Variants in DGCR8 observed in about 807,000 individuals in gnomAD.
The protein encoded by DGCR8 is microprocessor complex subunit DGCR8.
In DGCR8, 14 loss-of-function variants were observed where a neutral mutation model predicts 78.5. The observed-to-expected ratio is 0.18, with a 90% CI of 0.12 to 0.28. DGCR8 has a LOEUF of 0.28. Among genes scored for constraint, DGCR8 ranks in the 10% least tolerant of loss-of-function variants. The probability of loss-of-function intolerance (pLI) is 1.00; values close to 1 mark genes in which losing one functional copy is unlikely to be tolerated. For missense variants in DGCR8, 702 were observed against 1,022.5 expected, an observed-to-expected ratio of 0.69 and a Z score of 4.28; for synonymous variants, 399 against 402.4, an observed-to-expected ratio of 0.99 and a Z score of 0.10.
intron 9 of DGCR8, among the ~76,000 whole-genome samples, chr22:20,098,695 C>T (rs954703888): frequency 3.3e-5 from 5 of 152,146 alleles, no homozygotes; most frequent in African/African-American, 1.2e-4. Context: ...TGTCAGAAGG[C>T]TAAGAGAAGG....
At chr22:20,100,809 C>T (rs2049689951) in intron 9 of DGCR8, 1 of 985,294 alleles carries the variant, frequency 1.0e-6, no homozygotes, top group Non-Finnish European at 1.2e-6. Context: ...CACACCCCTA[C>T]TCCGATCCTC....
chr22:20,097,815 CTT>C (rs695417), intron 9 of DGCR8, among the ~76,000 whole-genome samples: 30,075 of 136,564 alleles, frequency 0.22, 3,241 homozygotes, highest in Non-Finnish European at 0.22. Flanking sequence ...TACTTTAATT[CTT>C]TTTTTTTTTT....
intron 8 of DGCR8, 28 bp downstream of exon 8, chr22:20,092,935 T>G: frequency 6.3e-7 from 1 of 1,581,064 alleles, no homozygotes; most frequent in Non-Finnish European, 8.7e-7. Context: ...GTGTCAAAGA[T>G]ACGTGCTGCC....
chr22:20,090,293 C>T (rs536682730), intron 5 of DGCR8, 35 bp downstream of exon 5: 3 of 1,553,068 alleles, frequency 1.9e-6, no homozygotes, highest in East Asian at 2.2e-5. Flanking sequence ...TTCTTGCCTC[C>T]TGGGACCCAT....
rs1321754667 is a variant in DGCR8 at position 20,111,358 on chromosome 22, A to G, written c.*1250A>G. ...ACCATGCCCCCTACAGGCGGTACTGATGGCGCTTTTTTTTTTTTTTCTGTC... is the reference window on the plus strand; with the variant it reads ...ACCATGCCCCCTACAGGCGGTACTGGTGGCGCTTTTTTTTTTTTTTCTGTC... On this transcript the variant is annotated 3_prime_UTR_variant, in exon 14 of 14. Coordinates refer to ENST00000351989, the MANE Select transcript of DGCR8 (RefSeq NM_022720.7). 7.8e-6 allele frequency: 3 copies of G among 386,396 alleles called. No homozygotes were observed. The South Asian group carries it at 4.2e-4, about 54-fold the overall frequency. The allele number at this position is 386,396 out of a possible 1,614,324, so 23.9% of individuals were successfully genotyped here.
chr22:20,107,456 C>G, intron 12 of DGCR8, 58 bp downstream of exon 12: 1 of 1,605,910 alleles, frequency 6.2e-7, no homozygotes, highest in Non-Finnish European at 8.5e-7. Context: ...GAGCGTATTC[C>G]TGAGGCTCTG....
chr22:20,107,033 C>G (rs1055344835), intron 11 of DGCR8: 1 of 582,752 alleles, frequency 1.7e-6, no homozygotes, highest in African/African-American at 1.9e-5. Flanking sequence ...CTCTCGGCTG[C>G]GTGGCTTTGA....
At chr22:20,084,880 C>A (rs1397489579) in intron 1 of DGCR8, 2 of 672,336 alleles carry the variant, frequency 3.0e-6, no homozygotes, top group African/African-American at 2.0e-5. Flanking sequence ...TGTGGGTCTC[C>A]CCTCTCAAGT....
rs1369299588 is a variant in DGCR8 at position 20,086,202 on chromosome 22, T to C, written c.239T>C (p.Phe80Ser). Reference sequence around the variant, plus strand: ...GCTTCTCTTCTCTCCAAAGGATCCTTCTCTAAGGGCCGCCTCCTCATAGAC... The same window carrying C: ...GCTTCTCTTCTCTCCAAAGGATCCTCCTCTAAGGGCCGCCTCCTCATAGAC... ...YGASLLSKGSFSKGRLLIDPN... is the reference protein window; with the variant it reads ...YGASLLSKGSSSKGRLLIDPN... The change falls in exon 2 of 14, where the codon TTC becomes TCC. Residue 80 changes from phenylalanine (F) to serine (S), a missense_variant. By Grantham distance (155) the Phe-to-Ser change is radical (BLOSUM62 -2). Around this residue, in one of 4 missense-constraint regions of DGCR8, gnomAD observed 356 missense variants for 448.9 expected, o/e 0.79. Coordinates refer to ENST00000351989, the MANE Select transcript of DGCR8 (RefSeq NM_022720.7). This position sits in a 1 kb window ranked among gnomAD's most constrained non-coding sequence, Gnocchi z 6.4. 1 of 1,613,912 alleles carries C rather than the reference T, an allele frequency of 6.2e-7. No individual in the cohort carries two copies. Among genetic ancestry groups the C allele is most frequent in the Admixed American group, 1.7e-5 (1 of 60,010 alleles).
Position 20,091,770 on chromosome 22 carries a change from C to T in DGCR8, c.1505-99C>T, listed in dbSNP as rs1161813408. On this transcript the variant is annotated intron_variant, in intron 6 of 13. Transcript: ENST00000351989. ...CATGAATGCAGGGGTCTGCCACATTCACGGTCGTGAGCCCCTAGTTACTGA... is the reference window on the plus strand; with the variant it reads ...CATGAATGCAGGGGTCTGCCACATTTACGGTCGTGAGCCCCTAGTTACTGA... The T allele has an allele frequency of 2.0e-6, 3 of 1,487,534 alleles. No individual in the cohort carries two copies. The African/African-American group carries it at 4.2e-5, about 21-fold the overall frequency. 92.1% of individuals were successfully genotyped at this position (1,487,534 alleles called of 1,614,324 possible).
chr22:20,096,550 T>G, intron 9 of DGCR8: 1 of 933,158 alleles, frequency 1.1e-6, no homozygotes, highest in Non-Finnish European at 1.3e-6. Context: ...ATACTATAAA[T>G]TTGGCCTTTT....
At position 20,085,436 on chromosome 22, in the gene DGCR8, T is replaced by C. The variant is rs2049470235; in HGVS notation, c.-277-251T>C. On this transcript the variant is annotated intron_variant, in intron 1 of 13. Transcript: ENST00000351989. This position sits in a 1 kb window ranked among gnomAD's most constrained non-coding sequence, Gnocchi z 6.2. Reference sequence around the variant, plus strand: ...ATATTTTTTGAGCCTTATGATTATATAGTTTTTGTGTTTCTGAAGTAGGAA... The same window carrying C: ...ATATTTTTTGAGCCTTATGATTATACAGTTTTTGTGTTTCTGAAGTAGGAA... Among the ~76,000 whole-genome samples, 2 of 152,220 alleles carry C rather than the reference T, an allele frequency of 1.3e-5. No homozygotes were observed. The highest frequency in any genetic ancestry group is 6.5e-5 in the Admixed American group (1 of 15,288).
chr22:20,102,079 TC>T (rs2049709190), intron 9 of DGCR8: 24 of 977,652 alleles, frequency 2.5e-5, no homozygotes, highest in Non-Finnish European at 2.5e-5. Flanking sequence ...CCAAGTGTTT[TC>T]TTTTTTTTTT....
intron 9 of DGCR8, among the ~76,000 whole-genome samples, chr22:20,105,966 G>T (rs1369533119): frequency 6.6e-6 from 1 of 152,160 alleles, no homozygotes; most frequent in Non-Finnish European, 1.5e-5. Context: ...CAGGGTGGAA[G>T]GGTGCTGTGG....
At position 20,085,910 on chromosome 22, in the gene DGCR8, A is replaced by C. The variant is rs2049475696; in HGVS notation, c.-54A>C. On this transcript the variant is annotated 5_prime_UTR_variant, in exon 2 of 14. An upstream start codon of the reference 5' UTR is lost. Coordinates refer to ENST00000351989, the MANE Select transcript of DGCR8 (RefSeq NM_022720.7). The surrounding 1 kb of genome is among the most constrained non-coding windows in gnomAD (Gnocchi z 6.2). The stretch of plus-strand genomic sequence containing the variant: ...TTGTGCATGTTAGCTGTGTAGATTT[A>C]TGTGAGGGCTTGTAAAACTCTGGTC... 5.4e-6 allele frequency: 8 copies of C among 1,483,836 alleles called. No individual in the cohort carries two copies. In the Admixed American group the frequency reaches 6.8e-5, roughly 13 times the overall value. The allele number at this position is 1,483,836 out of a possible 1,614,324, so 91.9% of individuals were successfully genotyped here. A position where few individuals can be genotyped will look rare whatever the true frequency, so the allele number is the denominator to read the frequency against.
chr22:20,102,320 C>T (rs1314457300), intron 9 of DGCR8, among the ~76,000 whole-genome samples: 1 of 152,176 alleles, frequency 6.6e-6, no homozygotes, highest in African/African-American at 2.4e-5. Flanking sequence ...AGTGGAGTCA[C>T]CTGGTACGTA....
In DGCR8 at chr22:20,080,304, T is replaced by C. The variant is rs2049402139; in HGVS notation, c.-357T>C. ...GGAGAGCCTGGACAGGCTTTCCAGA[T>C]GGCTGCGGCGGTCGGTCGGTGAGGC... On this transcript the variant is annotated 5_prime_UTR_variant, in exon 1 of 14. The change abolishes an upstream ATG in the 5' untranslated region. Coordinates refer to ENST00000351989, the MANE Select transcript of DGCR8 (RefSeq NM_022720.7). The C allele has an allele frequency of 2.0e-6, 2 of 980,596 alleles. No individual in the cohort carries two copies. Among genetic ancestry groups the C allele is most frequent in the Admixed American group, 1.3e-4 (2 of 15,840 alleles). The allele number at this position is 980,596 out of a possible 1,614,324, so 60.7% of individuals were successfully genotyped here. A position where few individuals can be genotyped will look rare whatever the true frequency, so the allele number is the denominator to read the frequency against.
At position 20,111,285 on chromosome 22, in the gene DGCR8, G is replaced by A; in HGVS notation, c.*1177G>A. 1.0e-5 allele frequency: 4 copies of A among 398,830 alleles called. No homozygotes were observed. The highest frequency in any genetic ancestry group is 1.8e-5 in the Non-Finnish European group (4 of 226,140). 24.7% of individuals were successfully genotyped at this position (398,830 alleles called of 1,614,324 possible). The stretch of plus-strand genomic sequence containing the variant: ...CTGTGCAGAGTGCCGTGTGCTTGTG[G>A]TGCGCCATCTGAAGCAAGAGTCCAG... On this transcript the variant is annotated 3_prime_UTR_variant, in exon 14 of 14. Transcript: ENST00000351989.
At chr22:20,095,392 C>G (rs2049616594) in intron 9 of DGCR8, among the ~76,000 whole-genome samples, 2 of 152,148 alleles carry the variant, frequency 1.3e-5, no homozygotes, top group Non-Finnish European at 2.9e-5. Flanking sequence ...AGGCATTAGC[C>G]ACTGCGCCCG....
Sources: allele counts gnomAD v4.1 joint callset (sites outside exome capture counted in the v4.1 genomes callset), GRCh38; gene constraint gnomAD v4.1.1; regional missense constraint gnomAD v4.1.1; non-coding constraint Gnocchi (gnomAD v3.1); transcripts MANE v1.5; gene names NCBI Gene and HGNC (gene_info 2026-07-23, HGNC 2026-07-21).